Variants in NTSR1 observed in about 807,000 individuals in gnomAD.
The protein encoded by NTSR1 is neurotensin receptor 1.
A neutral mutation model predicts 31.2 loss-of-function variants in NTSR1; 29 were observed. That is an observed-to-expected ratio of 0.93 (90% CI 0.69 to 1.27). The LOEUF (loss-of-function observed/expected upper bound fraction) is 1.27, where lower values mean the gene tolerates loss of function less well. Ranked by LOEUF, NTSR1 falls within the 50% of genes most tolerant of loss-of-function variation. NTSR1 has a pLI of 0.00. For synonymous variants in NTSR1, 282 were observed against 269.9 expected, an observed-to-expected ratio of 1.04 and a Z score of -0.44; for missense variants, 697 against 595.4, an observed-to-expected ratio of 1.17 and a Z score of -1.78.
At chr20:62,710,070 G>T (rs1988578189) in intron 1 of NTSR1, 149 bp downstream of exon 1, 3 of 693,436 alleles carry the variant, frequency 4.3e-6, no homozygotes, top group East Asian at 2.7e-5. Flanking sequence ...CAGCTTGGGG[G>T]CAGCTCCAGA....
chr20:62,721,849 C>G (rs537228706), intron 1 of NTSR1, among the ~76,000 whole-genome samples: 2 of 152,292 alleles, frequency 1.3e-5, no homozygotes, highest in African/African-American at 4.8e-5. Flanking sequence ...TTTAGATCCA[C>G]TTCTCTGTAT....
intron 1 of NTSR1, among the ~76,000 whole-genome samples, chr20:62,726,210 A>G (rs1988904549): frequency 6.6e-6 from 1 of 152,182 alleles, no homozygotes; most frequent in African/African-American, 2.4e-5. Context: ...CAAAATTGTC[A>G]GCTGGGATCA....
chr20:62,737,614 G>A (rs1989120441), intron 1 of NTSR1, among the ~76,000 whole-genome samples: 1 of 152,046 alleles, frequency 6.6e-6, no homozygotes, highest in Non-Finnish European at 1.5e-5. Flanking sequence ...GGAGAGAGAT[G>A]CCGTCCCTGC....
At position 62,754,692 on chromosome 20, in the gene NTSR1, C is replaced by T. The variant is rs946662619; in HGVS notation, c.722C>T (p.Thr241Ile). The change falls in exon 2 of 4, where the codon ACC becomes ATC. Residue 241 changes from threonine (T) to isoleucine (I), a missense_variant. By Grantham distance (89) the Thr-to-Ile change is moderately conservative (BLOSUM62 -1). Transcript: ENST00000370501. ...ATVKVVIQVN[T>I]FMSFIFPMVV... ...GCCCTTCCTCTCCTGCAGGTCAACA[C>T]CTTCATGTCCTTCATATTCCCCATG... 4.9e-5 allele frequency: 79 copies of T among 1,612,210 alleles called. No individual in the cohort carries two copies. The highest frequency in any genetic ancestry group is 6.6e-5 in the Non-Finnish European group (78 of 1,179,660).
intron 1 of NTSR1, among the ~76,000 whole-genome samples, chr20:62,710,940 G>C (rs1054970121): frequency 1.3e-5 from 2 of 152,164 alleles, no homozygotes; most frequent in Non-Finnish European, 2.9e-5. Context: ...CCCAGCTAGA[G>C]GGGCCAGGGT....
In NTSR1 at chr20:62,745,344, C is replaced by A. The variant is rs1387439636; in HGVS notation, c.715-9341C>A. 6.6e-6 allele frequency among the ~76,000 whole-genome samples: 1 copy of A among 151,524 alleles called. No homozygotes were observed. Among genetic ancestry groups the A allele is most frequent in the Non-Finnish European group, 1.5e-5 (1 of 67,898 alleles). On this transcript the variant is annotated intron_variant, in intron 1 of 3. Coordinates refer to ENST00000370501, the MANE Select transcript of NTSR1 (RefSeq NM_002531.3). This position sits in a 1 kb window ranked among gnomAD's most constrained non-coding sequence, Gnocchi z 4.1. Reference sequence around the variant, plus strand: ...AGACACAGAGACAGAGATACAGAGACACAAGAAAACAGAGACAGAGATAGA... The same window carrying A: ...AGACACAGAGACAGAGATACAGAGAAACAAGAAAACAGAGACAGAGATAGA...
Position 62,741,168 on chromosome 20 carries a change from G to A in NTSR1, c.715-13517G>A, listed in dbSNP as rs1255619508. On this transcript the variant is annotated intron_variant, in intron 1 of 3. Coordinates refer to ENST00000370501, the MANE Select transcript of NTSR1 (RefSeq NM_002531.3). This position sits in a 1 kb window ranked among gnomAD's most constrained non-coding sequence, Gnocchi z 4.3. ...GACTAAGGCCCTCTGGGCTAAGTCA[G>A]GGGTCTCCCGGCAGCCAGGCTGCTA... is the stretch of plus-strand genomic sequence containing the variant. Among the ~76,000 whole-genome samples the A allele has an allele frequency of 6.6e-6, 1 of 150,660 alleles. No individual in the cohort carries two copies. Among genetic ancestry groups the A allele is most frequent in the African/African-American group, 2.4e-5 (1 of 41,370 alleles).
In NTSR1 at chr20:62,760,408, C is replaced by A. The variant is rs564538453; in HGVS notation, c.*141C>A. On this transcript the variant is annotated 3_prime_UTR_variant, in exon 4 of 4. Transcript: ENST00000370501. ...CTGGAGTCTGAGGCCTGGGACCCCC[C>A]CCTCCCACCCCCTAACCCATGTTTC... is the stretch of plus-strand genomic sequence containing the variant. 1.3e-6 allele frequency: 1 copy of A among 778,326 alleles called. No individual in the cohort carries two copies. The highest frequency in any genetic ancestry group is 2.8e-5 in the East Asian group (1 of 35,482). 48.2% of individuals were successfully genotyped at this position (778,326 alleles called of 1,614,324 possible).
rs930067057 is a variant in NTSR1, at chr20:62,709,862, G to T, written c.655G>T (p.Ala219Ser). ...GAACCGCAGCGCCGACGGCCAGCAC[G>T]CCGGCGGCCTGGTGTGCACCCCCAC... The part of the protein sequence containing the change: ...EQNRSADGQH[A>S]GGLVCTPTIH... The change falls in exon 1 of 4, where the codon GCC (alanine) becomes TCC (serine). Residue 219 changes from alanine (A) to serine (S), a missense_variant. Coordinates refer to ENST00000370501, the MANE Select transcript of NTSR1 (RefSeq NM_002531.3). 8.7e-6 allele frequency: 14 copies of T among 1,607,684 alleles called. No homozygotes were observed. Among genetic ancestry groups the T allele is most frequent in the Non-Finnish European group, 1.2e-5 (14 of 1,176,102 alleles).
intron 1 of NTSR1, among the ~76,000 whole-genome samples, chr20:62,727,850 A>G (rs6011913): frequency 0.76 from 116,100 of 152,206 alleles, 46,042 homozygotes; most frequent in East Asian, 0.96. Flanking sequence ...TATGGGTGCC[A>G]TGGCAAGGGT....
chr20:62,719,655 G>GC (rs1252674083), intron 1 of NTSR1, among the ~76,000 whole-genome samples: 1 of 151,760 alleles, frequency 6.6e-6, no homozygotes, highest in Non-Finnish European at 1.5e-5. Context: ...CCACTCCGGG[G>GC]GCCAAATATA....
chr20:62,734,661 C>T (rs1989056095), intron 1 of NTSR1, among the ~76,000 whole-genome samples: 1 of 152,198 alleles, frequency 6.6e-6, no homozygotes, highest in Admixed American at 6.5e-5. Context: ...CCACACGTGG[C>T]CACTGGGCAT....
At chr20:62,724,849 C>T (rs796832174) in intron 1 of NTSR1, among the ~76,000 whole-genome samples, 2 of 152,322 alleles carry the variant, frequency 1.3e-5, no homozygotes, top group East Asian at 1.9e-4. Context: ...GTGGCCGAAT[C>T]GCTCCTTTCT....
intron 1 of NTSR1, among the ~76,000 whole-genome samples, chr20:62,727,499 A>G (rs539816740): frequency 6.6e-6 from 1 of 152,152 alleles, no homozygotes; most frequent in African/African-American, 2.4e-5. Context: ...CCACCTCTGC[A>G]CCTTGCCCGG....
chr20:62,752,782 C>A (rs1416904513), intron 1 of NTSR1, among the ~76,000 whole-genome samples: 3 of 152,190 alleles, frequency 2.0e-5, no homozygotes. Flanking sequence ...CCTCCCCTGT[C>A]CCCGCTCCCA....
At chr20:62,710,091 T>G (rs1180011315) in intron 1 of NTSR1, among the ~76,000 whole-genome samples, 170 bp downstream of exon 1, 2 of 152,198 alleles carry the variant, frequency 1.3e-5, no homozygotes, top group African/African-American at 4.8e-5. Context: ...GTTGCCAGGC[T>G]CAGCCCCTAT....
rs1989284720 is a variant in NTSR1 at position 62,745,497 on chromosome 20, G to A, written c.715-9188G>A. 6.6e-6 allele frequency among the ~76,000 whole-genome samples: 1 copy of A among 151,894 alleles called. No homozygotes were observed. Among genetic ancestry groups the A allele is most frequent in the Non-Finnish European group, 1.5e-5 (1 of 67,974 alleles). The stretch of plus-strand genomic sequence containing the variant: ...GGAACAACAGAGACACACAGACAGA[G>A]ACAGACACAGGAAAACAGTGAAAGA... On this transcript the variant is annotated intron_variant, in intron 1 of 3. Transcript: ENST00000370501. This position sits in a 1 kb window ranked among gnomAD's most constrained non-coding sequence, Gnocchi z 4.1.
chr20:62,744,409 G>T lies in NTSR1; in HGVS notation c.715-10276G>T, dbSNP rs1989260303. On this transcript the variant is annotated intron_variant, in intron 1 of 3. Coordinates refer to ENST00000370501, the MANE Select transcript of NTSR1 (RefSeq NM_002531.3). The surrounding 1 kb of genome is among the most constrained non-coding windows in gnomAD (Gnocchi z 4.1). ...CTCTACTAAAAATACAAAAAAATTA[G>T]CCAGGCATGGCGGCGTGCACCTGTA... Among the ~76,000 whole-genome samples, 2 of 152,128 alleles carry T rather than the reference G, an allele frequency of 1.3e-5. No individual in the cohort carries two copies. The highest frequency in any genetic ancestry group is 2.9e-5 in the Non-Finnish European group (2 of 68,032).
rs538700986 is a variant in NTSR1, at chr20:62,714,768, C to T, written c.714+4847C>T. On this transcript the variant is annotated intron_variant, in intron 1 of 3. Coordinates refer to ENST00000370501, the MANE Select transcript of NTSR1 (RefSeq NM_002531.3). This position sits in a 1 kb window ranked among gnomAD's most constrained non-coding sequence, Gnocchi z 4.1. ...CTACAAACAGTGAGGGAATCGGAGA[C>T]GGTGGCCTGGTTTCTTAGCAAAGAC... 2.6e-5 allele frequency among the ~76,000 whole-genome samples: 4 copies of T among 152,308 alleles called. No homozygotes were observed. Among genetic ancestry groups the T allele is most frequent in the South Asian group, 4.1e-4 (2 of 4,826 alleles).
Sources: allele counts gnomAD v4.1 joint callset (sites outside exome capture counted in the v4.1 genomes callset), GRCh38; gene constraint gnomAD v4.1.1; non-coding constraint Gnocchi (gnomAD v3.1); transcripts MANE v1.5; gene names NCBI Gene and HGNC (gene_info 2026-07-23, HGNC 2026-07-21).